Variants in FSTL5 observed in about 807,000 individuals in gnomAD.
The protein encoded by FSTL5 is follistatin like 5.
FSTL5 carries 62 observed loss-of-function variants against 89.1 expected under a neutral mutation model. That is an observed-to-expected ratio of 0.70 (90% CI 0.57 to 0.86). The LOEUF (loss-of-function observed/expected upper bound fraction) is 0.86, where lower values mean the gene tolerates loss of function less well. Ranked by LOEUF, FSTL5 falls within the 40% of genes least tolerant of loss-of-function variation. The probability of loss-of-function intolerance (pLI) is 0.00; values close to 1 mark genes in which losing one functional copy is unlikely to be tolerated. For synonymous variants in FSTL5, 383 were observed against 346.2 expected, an observed-to-expected ratio of 1.11 and a Z score of -1.18; for missense variants, 1,057 against 1,001.6, an observed-to-expected ratio of 1.06 and a Z score of -0.75.
At chr4:161,432,423 C>G (rs1732408670) in intron 15 of FSTL5, among the ~76,000 whole-genome samples, 1 of 151,878 alleles carries the variant, frequency 6.6e-6, no homozygotes, top group African/African-American at 2.4e-5. Context: ...AATGAAAACA[C>G]AACATACCTA....
chr4:161,669,124 A>AAAT (rs1737002635), intron 6 of FSTL5, among the ~76,000 whole-genome samples: 1 of 127,658 alleles, frequency 7.8e-6, no homozygotes, highest in Non-Finnish European at 1.7e-5. Flanking sequence ...AAAAAAAAAA[A>AAAT]AAATAAAATA....
chr4:161,473,199 T>C (rs1734008877), intron 13 of FSTL5, among the ~76,000 whole-genome samples: 2 of 152,142 alleles, frequency 1.3e-5, no homozygotes, highest in Non-Finnish European at 2.9e-5. Flanking sequence ...CTCTACTCCC[T>C]TTATTATCTT....
At chr4:161,573,795 AAAG>A (rs1396862339) in intron 8 of FSTL5, among the ~76,000 whole-genome samples, 2 of 151,854 alleles carry the variant, frequency 1.3e-5, no homozygotes, top group Admixed American at 1.3e-4. Flanking sequence ...GAAAAGAAGA[AAAG>A]AAAGAAAACA....
In FSTL5 at chr4:161,793,453, G is replaced by C. The variant is rs1729538897; in HGVS notation, c.410-17379C>G. On this transcript the variant is annotated intron_variant, in intron 4 of 15. Transcript: ENST00000306100. ...AAATTAATATTTTATGTAAATTCAG[G>C]ATATATTAGTGTCAGAACAAAGGAG... Among the ~76,000 whole-genome samples the C allele has an allele frequency of 2.0e-5, 3 of 152,150 alleles. 1 individual carries two copies. In the South Asian group the frequency reaches 6.2e-4, roughly 32 times the overall value.
chr4:161,485,196 C>A (rs935138600), intron 12 of FSTL5, among the ~76,000 whole-genome samples: 1 of 152,152 alleles, frequency 6.6e-6, no homozygotes, highest in Non-Finnish European at 1.5e-5. Flanking sequence ...TGTTGCTGAT[C>A]CCATGTTAGT....
intron 7 of FSTL5, among the ~76,000 whole-genome samples, chr4:161,615,750 T>G (rs1402963030): frequency 6.6e-6 from 1 of 152,170 alleles, no homozygotes; most frequent in Non-Finnish European, 1.5e-5. Flanking sequence ...TGAATTCTCC[T>G]CACTATATAA....
chr4:162,133,683 G>A (rs751390592), intron 1 of FSTL5, among the ~76,000 whole-genome samples: 2 of 152,124 alleles, frequency 1.3e-5, no homozygotes, highest in Non-Finnish European at 2.9e-5. Context: ...GTGAATGAAT[G>A]AAAGTCTACC....
At chr4:161,544,825 C>A (rs563159437) in intron 8 of FSTL5, among the ~76,000 whole-genome samples, 6 of 151,734 alleles carry the variant, frequency 4.0e-5, no homozygotes, top group African/African-American at 1.5e-4. Context: ...TTAGATATTG[C>A]GATACTACTA....
chr4:162,119,827 C>A (rs1040618370), intron 1 of FSTL5, among the ~76,000 whole-genome samples: 2 of 152,082 alleles, frequency 1.3e-5, no homozygotes, highest in Non-Finnish European at 2.9e-5. Flanking sequence ...CCCCCTTATC[C>A]CTACCCTTCC....
chr4:161,749,756 C>T (rs980407463), intron 6 of FSTL5, among the ~76,000 whole-genome samples: 2 of 151,556 alleles, frequency 1.3e-5, no homozygotes, highest in Admixed American at 1.3e-4. Flanking sequence ...TGTGCCACTG[C>T]ACTCCAGCCT....
chr4:161,492,307 G>C (rs1032211138), intron 12 of FSTL5, among the ~76,000 whole-genome samples: 9 of 152,046 alleles, frequency 5.9e-5, no homozygotes, highest in African/African-American at 2.2e-4. Flanking sequence ...CTCAGTGCAC[G>C]AGTGATAGTT....
Position 162,147,165 on chromosome 4 carries a change from A to T in FSTL5, c.-17+16450T>A, listed in dbSNP as rs554303474. On this transcript the variant is annotated intron_variant, in intron 1 of 15. Transcript: ENST00000306100. ...CTGTTTCTCTAGGCTCTTCTTAACT[A>T]TGATTTCACTTGTTTTCTTATTTCT... Among the ~76,000 whole-genome samples the T allele has an allele frequency of 6.6e-5, 10 of 152,208 alleles. No individual in the cohort carries two copies. In the East Asian group the frequency reaches 1.7e-3, roughly 26 times the overall value.
In FSTL5 at chr4:161,608,611, C is replaced by T. The variant is rs559118453; in HGVS notation, c.895-21036G>A. Reference sequence around the variant, plus strand: ...ATTACAAAAAACGATAAAGAAAAATCATGACTATGAATCTTTAAAAAATAA... The same window carrying T: ...ATTACAAAAAACGATAAAGAAAAATTATGACTATGAATCTTTAAAAAATAA... On this transcript the variant is annotated intron_variant, in intron 7 of 15. Coordinates refer to ENST00000306100, the MANE Select transcript of FSTL5 (RefSeq NM_020116.5). Among the ~76,000 whole-genome samples, 278 of 151,868 alleles carry T rather than the reference C, an allele frequency of 1.8e-3. 2 individuals carry two copies. Among genetic ancestry groups the T allele is most frequent in the Admixed American group, 3.5e-3 (53 of 15,266 alleles).
chr4:162,051,563 A>G (rs1370487479), intron 2 of FSTL5, among the ~76,000 whole-genome samples: 1 of 151,604 alleles, frequency 6.6e-6, no homozygotes, highest in Non-Finnish European at 1.5e-5. Flanking sequence ...TTAAACACAC[A>G]TTAACAAAAA....
Position 161,964,279 on chromosome 4 carries a change from A to T in FSTL5, c.161-43627T>A, listed in dbSNP as rs561356603. Among the ~76,000 whole-genome samples, 7 of 152,190 alleles carry T rather than the reference A, an allele frequency of 4.6e-5. No homozygotes were observed. The East Asian group carries it at 1.4e-3, about 29-fold the overall frequency. ...GATTTAACCTCTAGCAGAAAATGAC[A>T]TCTTCACACTTCAGCTCGATGATAC... On this transcript the variant is annotated intron_variant, in intron 3 of 15. Coordinates refer to ENST00000306100, the MANE Select transcript of FSTL5 (RefSeq NM_020116.5).
intron 13 of FSTL5, among the ~76,000 whole-genome samples, chr4:161,466,058 C>T (rs1324624268): frequency 6.6e-6 from 1 of 152,116 alleles, no homozygotes; most frequent in Admixed American, 6.5e-5. Context: ...ACTTTTTACC[C>T]TATTGCTTTG....
intron 4 of FSTL5, among the ~76,000 whole-genome samples, chr4:161,872,773 T>C (rs896565509): frequency 1.3e-5 from 2 of 152,306 alleles, no homozygotes; most frequent in South Asian, 4.1e-4. Flanking sequence ...TAAAGTTTTA[T>C]AAAAGAATTG....
intron 1 of FSTL5, among the ~76,000 whole-genome samples, chr4:162,155,101 C>T (rs1733416201): frequency 6.6e-6 from 1 of 152,200 alleles, no homozygotes; most frequent in South Asian, 2.1e-4. Flanking sequence ...GGACCTATAA[C>T]TTGCTTTTGA....
intron 6 of FSTL5, among the ~76,000 whole-genome samples, chr4:161,680,913 T>C (rs1471491228): frequency 6.6e-6 from 1 of 152,046 alleles, no homozygotes; most frequent in African/African-American, 2.4e-5. Context: ...CTTTACTGTT[T>C]GTAAGTTCCT....
Sources: gnomAD v4.1 joint callset for allele counts (sites outside exome capture counted in the v4.1 genomes callset) on GRCh38, gnomAD v4.1.1 for gene constraint, MANE v1.5 for transcripts, NCBI Gene and HGNC (gene_info 2026-07-23, HGNC 2026-07-21) for gene names.